Variants in HDAC9 observed in about 807,000 individuals in gnomAD.
The protein encoded by HDAC9 is histone deacetylase 9.
HDAC9 carries 41 observed loss-of-function variants against 139.4 expected under a neutral mutation model. The ratio of observed to expected loss-of-function variants is 0.29; its 90% CI spans 0.23 to 0.38. The LOEUF (loss-of-function observed/expected upper bound fraction) is 0.38, where lower values mean the gene tolerates loss of function less well. Ranked by LOEUF, HDAC9 falls within the 10% of genes least tolerant of loss-of-function variation. The pLI is 1.00. For synonymous variants in HDAC9, 517 were observed against 476.2 expected (o/e 1.09, Z -1.12); for missense variants, 1,147 against 1,297.0 (o/e 0.88, Z 1.78).
chr7:18,235,059 G>C (rs1415598403), intron 2 of HDAC9, among the ~76,000 whole-genome samples: 2 of 152,120 alleles, frequency 1.3e-5, no homozygotes, highest in African/African-American at 2.4e-5. Flanking sequence ...CTTCTTAGGG[G>C]TAGGGCTCTG....
At chr7:18,633,739 A>G (rs982246007) in intron 7 of HDAC9, among the ~76,000 whole-genome samples, 3 of 152,084 alleles carry the variant, frequency 2.0e-5, no homozygotes, top group Admixed American at 2.0e-4. Flanking sequence ...GTGGTAGGGA[A>G]TTAATTAGAG....
chr7:18,119,659 G>C (rs937176798), intron 1 of HDAC9, among the ~76,000 whole-genome samples: 1 of 152,166 alleles, frequency 6.6e-6, no homozygotes, highest in African/African-American at 2.4e-5. Context: ...TGGAAAATCT[G>C]ACTGTCTAAT....
At chr7:18,246,429 G>A (rs1794530896) in intron 2 of HDAC9, among the ~76,000 whole-genome samples, 1 of 152,010 alleles carries the variant, frequency 6.6e-6, no homozygotes, top group South Asian at 2.1e-4. Flanking sequence ...TAAATTCACA[G>A]TGTGCAGACA....
chr7:18,819,941 C>T (rs563213046), intron 17 of HDAC9, among the ~76,000 whole-genome samples: 1 of 146,450 alleles, frequency 6.8e-6, no homozygotes, highest in African/African-American at 2.8e-5. Flanking sequence ...AAATATAAAG[C>T]AAAGAGTTTT....
chr7:18,178,260 T>C (rs559273857), intron 2 of HDAC9, among the ~76,000 whole-genome samples: 11 of 152,316 alleles, frequency 7.2e-5, no homozygotes, highest in African/African-American at 2.6e-4. Context: ...TTGTTTTGTA[T>C]TTTTAGTAGA....
intron 1 of HDAC9, among the ~76,000 whole-genome samples, chr7:18,475,068 A>G (rs938783798): frequency 2.0e-5 from 3 of 152,222 alleles, no homozygotes; most frequent in South Asian, 2.1e-4. Flanking sequence ...GTGGCAGCTC[A>G]GGCTTCAAGC....
intron 24 of HDAC9, among the ~76,000 whole-genome samples, chr7:18,960,923 C>T (rs1329622748): frequency 6.6e-6 from 1 of 152,148 alleles, no homozygotes; most frequent in African/African-American, 2.4e-5. Context: ...GTTTTGACCT[C>T]ATGGGGCTAT....
chr7:18,107,552 A>G (rs1485326497), intron 1 of HDAC9, among the ~76,000 whole-genome samples: 1 of 152,032 alleles, frequency 6.6e-6, no homozygotes, highest in East Asian at 1.9e-4. Context: ...ACAGACAGAC[A>G]CCTCCTTTAA....
chr7:18,529,981 T>A (rs1297898296), intron 2 of HDAC9, among the ~76,000 whole-genome samples: 3 of 152,124 alleles, frequency 2.0e-5, no homozygotes, highest in African/African-American at 7.2e-5. Flanking sequence ...AAGAATGGAA[T>A]AATTACAGGT....
intron 13 of HDAC9, among the ~76,000 whole-genome samples, chr7:18,732,536 A>G (rs947491369): frequency 1.3e-5 from 1 of 77,556 alleles, no homozygotes; most frequent in Admixed American, 1.6e-4. Context: ...ATGTGTATAT[A>G]TGTGTATATA....
chr7:18,540,103 CAAAAAAA>C (rs34620445), intron 2 of HDAC9, among the ~76,000 whole-genome samples: 1 of 58,426 alleles, frequency 1.7e-5, no homozygotes, highest in African/African-American at 6.4e-5. Flanking sequence ...ACTAAAAATA[CAAAAAAA>C]AAAAAAAAAA....
intron 25 of HDAC9, among the ~76,000 whole-genome samples, chr7:18,990,971 T>C (rs902820545): frequency 1.9e-4 from 29 of 152,198 alleles, no homozygotes; most frequent in African/African-American, 6.8e-4. Flanking sequence ...ATGAACCCGG[T>C]ACCTCAGATG....
chr7:18,422,755 C>A (rs1317777686), intron 1 of HDAC9, among the ~76,000 whole-genome samples: 1 of 151,664 alleles, frequency 6.6e-6, no homozygotes, highest in Non-Finnish European at 1.5e-5. Context: ...CACACACACA[C>A]ACACACACAC....
At chr7:18,220,891 T>G (rs536722749) in intron 2 of HDAC9, among the ~76,000 whole-genome samples, 148 of 152,306 alleles carry the variant, frequency 9.7e-4, no homozygotes, top group African/African-American at 3.4e-3. Context: ...TATTTCCTAC[T>G]CAAGAAGCTT....
chr7:18,740,846 A>G (rs1787383687), intron 13 of HDAC9, among the ~76,000 whole-genome samples: 1 of 152,232 alleles, frequency 6.6e-6, no homozygotes, highest in Non-Finnish European at 1.5e-5. Flanking sequence ...CAGACAAATG[A>G]TAAGAAAGCA....
intron 1 of HDAC9, among the ~76,000 whole-genome samples, chr7:18,376,335 A>C (rs1387650374): frequency 6.6e-6 from 1 of 152,150 alleles, no homozygotes; most frequent in Non-Finnish European, 1.5e-5. Flanking sequence ...TAATAGTTCT[A>C]TTTCCAGGAC....
chr7:18,091,038 G>T (rs1167113329), intron 1 of HDAC9, among the ~76,000 whole-genome samples: 1 of 152,142 alleles, frequency 6.6e-6, no homozygotes, highest in Non-Finnish European at 1.5e-5. Context: ...CTTGCAGAAG[G>T]AAGCATTGTA....
intron 1 of HDAC9, among the ~76,000 whole-genome samples, chr7:18,472,380 G>A (rs1375925577): frequency 1.3e-5 from 2 of 152,094 alleles, no homozygotes; most frequent in Admixed American, 1.3e-4. Context: ...AAGGATCCTA[G>A]AAAGAGAATG....
intron 24 of HDAC9, among the ~76,000 whole-genome samples, chr7:18,964,860 T>A (rs1445072063): frequency 6.6e-6 from 1 of 152,166 alleles, no homozygotes; most frequent in Admixed American, 6.5e-5. Flanking sequence ...CTGTGGGGAT[T>A]ATGAGGATTA....
Sources: gnomAD v4.1 joint callset for allele counts (sites outside exome capture counted in the v4.1 genomes callset) on GRCh38, gnomAD v4.1.1 for gene constraint, MANE v1.5 for transcripts, NCBI Gene and HGNC (gene_info 2026-07-23, HGNC 2026-07-21) for gene names.